The following ARID2 variants were observed in gnomAD, a reference collection of about 807,000 sequenced individuals.
The protein encoded by ARID2 is AT-rich interaction domain 2, also known as AT-rich interactive domain-containing protein 2.
ARID2 carries 32 observed loss-of-function variants against 184.6 expected under a neutral mutation model. The observed-to-expected ratio is 0.17, with a 90% CI of 0.13 to 0.23. The LOEUF (loss-of-function observed/expected upper bound fraction) is 0.23. Ranked by LOEUF, ARID2 falls within the 10% of genes least tolerant of loss-of-function variation. The pLI, the probability that ARID2 is intolerant of heterozygous loss-of-function variation, is 1.00. For synonymous variants in ARID2, 836 were observed against 772.6 expected, an observed-to-expected ratio of 1.08 and a Z score of -1.36; for missense variants, 1,696 against 2,197.6, an observed-to-expected ratio of 0.77 and a Z score of 4.56.
At chr12:45,769,002 G>A (rs1174394886) in intron 3 of ARID2, among the ~76,000 whole-genome samples, 1 of 152,098 alleles carries the variant, frequency 6.6e-6, no homozygotes, top group African/African-American at 2.4e-5. Context: ...TCACACAGAG[G>A]GGAGATTGGG....
chr12:45,729,984 C>T (rs2137959194), intron 1 of ARID2, 56 bp downstream of exon 1: 1 of 1,605,724 alleles, frequency 6.2e-7, no homozygotes, highest in East Asian at 2.2e-5. Context: ...ACGGGGCTCT[C>T]CCGCCCGGGC....
chr12:45,733,575 C>T (rs973972235), intron 3 of ARID2, among the ~76,000 whole-genome samples: 22 of 152,298 alleles, frequency 1.4e-4, no homozygotes, highest in South Asian at 8.3e-4. Flanking sequence ...TATTGTAAGA[C>T]TGTCATTATA....
At chr12:45,844,624 A>G (rs769780973) in intron 11 of ARID2, among the ~76,000 whole-genome samples, 11 of 152,200 alleles carry the variant, frequency 7.2e-5, no homozygotes, top group Non-Finnish European at 1.3e-4. Flanking sequence ...GTTCCACGTT[A>G]CACTATAACA....
chr12:45,829,348 A>G (rs1943064724), intron 6 of ARID2, among the ~76,000 whole-genome samples: 1 of 151,910 alleles, frequency 6.6e-6, no homozygotes, highest in Admixed American at 6.6e-5. Context: ...GAAAATATTT[A>G]TTTTCCTATT....
At chr12:45,881,354 A>G (rs1236846434) in intron 16 of ARID2, 1 of 167,978 alleles carries the variant, frequency 6.0e-6, no homozygotes, top group African/African-American at 2.4e-5. Context: ...TTTCTTTTCC[A>G]ACATAACCTC....
intron 6 of ARID2, among the ~76,000 whole-genome samples, chr12:45,834,021 C>A (rs1366886000): frequency 6.6e-6 from 1 of 152,206 alleles, no homozygotes; most frequent in African/African-American, 2.4e-5. Flanking sequence ...TCTTGGGTTT[C>A]TCTTCCTTAT....
chr12:45,751,172 G>A (rs1473057766), intron 3 of ARID2, among the ~76,000 whole-genome samples: 1 of 152,156 alleles, frequency 6.6e-6, no homozygotes, highest in African/African-American at 2.4e-5. Flanking sequence ...CTTGAGTAGG[G>A]TGTTAAATCG....
At chr12:45,849,899 G>A in intron 14 of ARID2, 123 bp downstream of exon 14, 1 of 1,407,018 alleles carries the variant, frequency 7.1e-7, no homozygotes. Context: ...TTCTTACTTG[G>A]TCTATTACCA....
chr12:45,876,810 C>T (rs984915499), intron 16 of ARID2, among the ~76,000 whole-genome samples: 7 of 150,320 alleles, frequency 4.7e-5, no homozygotes, highest in Non-Finnish European at 1.0e-4. Context: ...AAAAAAAAGG[C>T]CGGGCGTGGT....
chr12:45,793,283 A>G (rs1435499972), intron 3 of ARID2, among the ~76,000 whole-genome samples: 4 of 152,134 alleles, frequency 2.6e-5, no homozygotes, highest in Non-Finnish European at 5.9e-5. Context: ...CTGGACAACA[A>G]GAGTGAACCT....
chr12:45,894,337 CCT>C (rs1431329716), intron 20 of ARID2, among the ~76,000 whole-genome samples: 1 of 152,172 alleles, frequency 6.6e-6, no homozygotes, highest in East Asian at 1.9e-4. Context: ...TCTTGGGCCG[CCT>C]CTCTGCGAAA....
intron 14 of ARID2, 59 bp from the exon 15 acceptor site, chr12:45,849,977 C>T (rs1592118694): frequency 1.3e-6 from 2 of 1,529,706 alleles, no homozygotes; most frequent in Non-Finnish European, 1.7e-6. Context: ...TAAAATAATT[C>T]CTACTTGGGA....
chr12:45,818,229 G>A (rs936902480), intron 5 of ARID2, among the ~76,000 whole-genome samples: 1 of 152,068 alleles, frequency 6.6e-6, no homozygotes, highest in African/African-American at 2.4e-5. Flanking sequence ...CTAATGTGTG[G>A]CTATAATTTT....
intron 16 of ARID2, among the ~76,000 whole-genome samples, chr12:45,861,199 A>G (rs1031673205): frequency 6.6e-6 from 1 of 152,218 alleles, no homozygotes; most frequent in Non-Finnish European, 1.5e-5. Flanking sequence ...GTTTTCAGTA[A>G]AGAAAATCAA....
At chr12:45,804,542 T>C (rs1942566483) in intron 3 of ARID2, among the ~76,000 whole-genome samples, 1 of 151,828 alleles carries the variant, frequency 6.6e-6, no homozygotes, top group African/African-American at 2.4e-5. Context: ...CTGCAACTTT[T>C]ATGAAGTTTA....
chr12:45,827,791 A>C (rs1187563240), intron 6 of ARID2, among the ~76,000 whole-genome samples: 1 of 152,148 alleles, frequency 6.6e-6, no homozygotes, highest in African/African-American at 2.4e-5. Context: ...GAACAAATTT[A>C]GTTTGAGGTA....
chr12:45,886,794 C>G (rs1264290518), intron 16 of ARID2, among the ~76,000 whole-genome samples: 2 of 152,136 alleles, frequency 1.3e-5, no homozygotes. Flanking sequence ...GTACCTTGGC[C>G]CTTTTTAGCC....
intron 6 of ARID2, among the ~76,000 whole-genome samples, chr12:45,821,704 T>G (rs555916903): frequency 6.6e-6 from 1 of 152,314 alleles, no homozygotes; most frequent in African/African-American, 2.4e-5. Flanking sequence ...TTGATTTCTG[T>G]GAATAGTAAC....
At chr12:45,839,244 G>T in intron 10 of ARID2, 85 bp from the exon 11 acceptor site, 1 of 1,205,090 alleles carries the variant, frequency 8.3e-7, no homozygotes. Context: ...ACATTGATAA[G>T]TATTCTGTAC....
Sources: allele counts gnomAD v4.1 joint callset (sites outside exome capture counted in the v4.1 genomes callset), GRCh38; gene constraint gnomAD v4.1.1; transcripts MANE v1.5; gene names NCBI Gene and HGNC (gene_info 2026-07-23, HGNC 2026-07-21).